Variants in TRIM36 observed in about 807,000 individuals in gnomAD.
TRIM36 encodes the protein E3 ubiquitin-protein ligase TRIM36.
Under a neutral mutation model 72.4 loss-of-function variants are expected in TRIM36, and 42 were observed. The ratio of observed to expected loss-of-function variants is 0.58; its 90% CI spans 0.45 to 0.75. TRIM36 has a LOEUF of 0.75. Ranked by LOEUF, TRIM36 falls within the 30% of genes least tolerant of loss-of-function variation. The pLI, the probability that TRIM36 is intolerant of heterozygous loss-of-function variation, is 0.00. For synonymous variants in TRIM36, 315 were observed against 282.8 expected (o/e 1.11, Z -1.14); for missense variants, 913 against 857.1 (o/e 1.07, Z -0.81).
At chr5:115,155,036 A>T (rs1370772433) in intron 2 of TRIM36, among the ~76,000 whole-genome samples, 4 of 152,106 alleles carry the variant, frequency 2.6e-5, no homozygotes. Flanking sequence ...CAAAAAAAAA[A>T]AAATTAGCCG....
intron 1 of TRIM36, among the ~76,000 whole-genome samples, chr5:115,166,801 C>T (rs1305177174): frequency 6.6e-6 from 1 of 152,184 alleles, no homozygotes; most frequent in Non-Finnish European, 1.5e-5. Context: ...TTGCCGGCAT[C>T]TCCAAGTTTC....
upstream of TRIM36, among the ~76,000 whole-genome samples, chr5:115,174,700 T>C (rs954012759): frequency 6.6e-6 from 1 of 152,226 alleles, no homozygotes; most frequent in Non-Finnish European, 1.5e-5. Flanking sequence ...TATCTCCCTC[T>C]ATTCTGAATT....
chr5:115,179,804 G>T (rs890773241), intron 1 of TRIM36, among the ~76,000 whole-genome samples: 32 of 152,260 alleles, frequency 2.1e-4, no homozygotes, highest in African/African-American at 7.5e-4. Flanking sequence ...AGAAAAGGCG[G>T]CTACTTTGCA....
intron 5 of TRIM36, among the ~76,000 whole-genome samples, chr5:115,139,521 TCTC>T (rs1753159088): frequency 6.6e-6 from 1 of 152,200 alleles, no homozygotes; most frequent in African/African-American, 2.4e-5. Context: ...TTTTTCCAGA[TCTC>T]CTGTTTCCTA....
intron 1 of TRIM36, among the ~76,000 whole-genome samples, chr5:115,166,428 G>A (rs1229537639): frequency 6.6e-6 from 1 of 152,178 alleles, no homozygotes; most frequent in Non-Finnish European, 1.5e-5. Flanking sequence ...CAGAGAGGAG[G>A]TACCCACTCC....
chr5:115,149,829 G>A (rs902827554), intron 2 of TRIM36, among the ~76,000 whole-genome samples: 5 of 151,988 alleles, frequency 3.3e-5, no homozygotes. Context: ...CGCGATCTCG[G>A]CTCACTGCAA....
chr5:115,151,245 G>A (rs1025410949), intron 2 of TRIM36, among the ~76,000 whole-genome samples: 3 of 152,190 alleles, frequency 2.0e-5, no homozygotes, highest in Non-Finnish European at 4.4e-5. Context: ...GGTGAGGCCT[G>A]TGACTGCCGG....
chr5:115,148,235 T>C, intron 2 of TRIM36: 1 of 691,580 alleles, frequency 1.4e-6, no homozygotes, highest in Non-Finnish European at 1.8e-6. Context: ...CAAATAATTT[T>C]ACAACATATA....
In TRIM36 at chr5:115,144,717, C is replaced by G. The variant is rs770592136; in HGVS notation, c.616G>C (p.Glu206Gln). The change falls in exon 4 of 10, where the codon GAG becomes CAG. Residue 206 changes from glutamate (E) to glutamine (Q), a missense_variant. Coordinates refer to ENST00000513154, the MANE Select transcript of TRIM36 (RefSeq NM_001300759.2). ...AATTCACAGTACATGTTTATTCTCT[C>G]TGTTTCATGTTCTGGGCACATTAAA... Reference protein sequence around the residue: ...KILMCPEHETERINMYCELCR... With the variant: ...KILMCPEHETQRINMYCELCR... 14 of 1,613,776 alleles carry G rather than the reference C, an allele frequency of 8.7e-6. No individual in the cohort carries two copies. The highest frequency in any genetic ancestry group is 1.1e-5 in the South Asian group (1 of 91,036).
At chr5:115,127,578 C>G (rs1307825632) in intron 9 of TRIM36, among the ~76,000 whole-genome samples, 2 of 152,112 alleles carry the variant, frequency 1.3e-5, no homozygotes, top group East Asian at 3.9e-4. Flanking sequence ...TAAATTCATT[C>G]ATTCATTCAT....
chr5:115,128,063 T>A lies in TRIM36; in HGVS notation c.1797-1206A>T, dbSNP rs545434746. Among the ~76,000 whole-genome samples, 3 of 140,118 alleles carry A rather than the reference T, an allele frequency of 2.1e-5. No homozygotes were observed. In the South Asian group the frequency reaches 7.7e-4, roughly 36 times the overall value. The allele number at this position is 140,118 out of a possible 152,430, so 91.9% of individuals were successfully genotyped here. ...AATTTAAAAAATTAAAAAAAAAAAC[T>A]TGTAGAACAAGGCTATAAAAAAAAT... On this transcript the variant is annotated intron_variant, in intron 9 of 9. Transcript: ENST00000513154.
intron 5 of TRIM36, among the ~76,000 whole-genome samples, 179 bp from the exon 6 acceptor site, chr5:115,137,795 C>A (rs1476773218): frequency 6.6e-6 from 1 of 152,172 alleles, no homozygotes; most frequent in East Asian, 1.9e-4. Flanking sequence ...TTATCTAACT[C>A]TGAAATTTTC....
Position 115,133,885 on chromosome 5 carries a change from C to A in TRIM36, c.1473G>T (p.Leu491Phe). The A allele has an allele frequency of 6.2e-7, 1 of 1,603,288 alleles. No individual in the cohort carries two copies. The highest frequency in any genetic ancestry group is 8.5e-7 in the Non-Finnish European group (1 of 1,175,162). ...CTGGAGCTGGAGGAGTATGAAGAAT[C>A]AATTCTCTGCTGCAAGGACTACAGA... ...GSICSPCSRE[L>F]ILHTPPAPVF... Residue 491 changes from leucine (L) to phenylalanine (F), a missense_variant, in exon 8 of 10, where the codon TTG becomes TTT. By Grantham distance (22) the Leu-to-Phe change is conservative (BLOSUM62 0). Transcript: ENST00000513154.
At chr5:115,142,108 G>C (rs1194354823) in intron 4 of TRIM36, among the ~76,000 whole-genome samples, 1 of 152,120 alleles carries the variant, frequency 6.6e-6, no homozygotes, top group East Asian at 1.9e-4. Context: ...TGTATTGAGA[G>C]TCTAAATAAG....
At position 115,126,247 on chromosome 5, in the gene TRIM36, A is replaced by G; in HGVS notation, c.*256T>C. The stretch of plus-strand genomic sequence containing the variant: ...AAATTAGATATCCTGTACATAAAGT[A>G]AAAGACAGTCCAGTTGCAAAGTTAA... On this transcript the variant is annotated 3_prime_UTR_variant, in exon 10 of 10. Coordinates refer to ENST00000513154, the MANE Select transcript of TRIM36 (RefSeq NM_001300759.2). 1 of 423,212 alleles carries G rather than the reference A, an allele frequency of 2.4e-6. No individual in the cohort carries two copies. The highest frequency in any genetic ancestry group is 5.3e-5 in the South Asian group (1 of 18,862). 26.2% of individuals were successfully genotyped at this position (423,212 alleles called of 1,614,324 possible). A position where few individuals can be genotyped will look rare whatever the true frequency, so the allele number is the denominator to read the frequency against.
rs1471550080 is a variant in TRIM36, at chr5:115,125,107, A to G, written c.*1396T>C. On this transcript the variant is annotated 3_prime_UTR_variant, in exon 10 of 10. Transcript: ENST00000513154. ...TAATTTAATGCTACCAGCCTGAGTAACAGATTTCCATTAAAAATATAACAA... is the reference window on the plus strand; with the variant it reads ...TAATTTAATGCTACCAGCCTGAGTAGCAGATTTCCATTAAAAATATAACAA... 2 of 152,488 alleles carry G rather than the reference A, an allele frequency of 1.3e-5. No individual in the cohort carries two copies. The highest frequency in any genetic ancestry group is 4.8e-5 in the African/African-American group (2 of 41,442). 9.4% of individuals were successfully genotyped at this position (152,488 alleles called of 1,614,324 possible).
intron 1 of TRIM36, among the ~76,000 whole-genome samples, chr5:115,175,015 G>A (rs1755271334): frequency 2.0e-5 from 3 of 152,034 alleles, no homozygotes; most frequent in Admixed American, 2.0e-4. Context: ...GTCCCTCTCT[G>A]TTGACCACAT....
upstream of TRIM36, chr5:115,169,928 C>T (rs1050632336): frequency 1.1e-5 from 14 of 1,273,742 alleles, no homozygotes; most frequent in Non-Finnish European, 1.3e-5. Flanking sequence ...CGGCGCCGCG[C>T]AGAGACCTGG....
rs1197986612 is a variant in TRIM36, at chr5:115,134,061, C to G, written c.1297G>C (p.Ala433Pro). 3 of 1,613,504 alleles carry G rather than the reference C, an allele frequency of 1.9e-6. No homozygotes were observed. The part of the protein sequence containing the change: ...INWHHPEKDK[A>P]DSYVLEYRKI... ...CGATATTCAAGAACATAGCTATCAG[C>G]TTTATCCTTTTCTGGATGGTGCCAA... Residue 433 changes from alanine to proline, a missense_variant, in exon 8 of 10, where the codon GCT becomes CCT. Transcript: ENST00000513154.
Sources: gnomAD v4.1 joint callset for allele counts (sites outside exome capture counted in the v4.1 genomes callset) on GRCh38, gnomAD v4.1.1 for gene constraint, MANE v1.5 for transcripts, NCBI Gene and HGNC (gene_info 2026-07-23, HGNC 2026-07-21) for gene names.